FYCO1: variants seen among roughly 807,000 people sequenced by gnomAD.
FYCO1 encodes FYVE and coiled-coil domain autophagy adaptor 1, also known as FYVE and coiled-coil domain-containing protein 1.
In FYCO1, 122 loss-of-function variants were observed where a neutral mutation model predicts 165.1. That is an observed-to-expected ratio of 0.74 (90% CI 0.64 to 0.86). FYCO1 has a LOEUF of 0.86. Among genes scored for constraint, FYCO1 ranks in the 40% least tolerant of loss-of-function variants. The probability of loss-of-function intolerance (pLI) is 0.00; values close to 1 mark genes in which losing one functional copy is unlikely to be tolerated. For synonymous variants in FYCO1, 648 were observed against 742.5 expected, an observed-to-expected ratio of 0.87 and a Z score of 2.07; for missense variants, 1,702 against 1,810.3, an observed-to-expected ratio of 0.94 and a Z score of 1.09.
intron 14 of FYCO1, among the ~76,000 whole-genome samples, chr3:45,952,288 T>A (rs76663293): frequency 0.01 from 1,587 of 152,296 alleles, 25 homozygotes; most frequent in African/African-American, 0.035. Flanking sequence ...ACCTTGGATT[T>A]GCTTATTTTT....
chr3:45,993,925 G>T lies in FYCO1; in HGVS notation c.-113+1797C>A, dbSNP rs113650419. The stretch of plus-strand genomic sequence containing the variant: ...CTAAAGGGAAGCAGGGTGGGTGGGG[G>T]TGAGGGGGCTGCCATTTCTTGCGTA... On this transcript the variant is annotated intron_variant, in intron 1 of 17. Transcript: ENST00000296137. The surrounding 1 kb of genome is among the most constrained non-coding windows in gnomAD (Gnocchi z 4.4). Among the ~76,000 whole-genome samples the T allele has an allele frequency of 6.6e-6, 1 of 151,626 alleles. No homozygotes were observed. Among genetic ancestry groups the T allele is most frequent in the Admixed American group, 6.6e-5 (1 of 15,264 alleles).
In FYCO1 at chr3:45,965,067, A is replaced by T; in HGVS notation, c.3116T>A (p.Leu1039Gln). 1 of 1,614,154 alleles carries T rather than the reference A, an allele frequency of 6.2e-7. No homozygotes were observed. ...RGQLEEQGRQ[L>Q]QAAEEAVEKL... is the part of the protein sequence containing the mutation. Reference sequence around the variant, plus strand: ...CTCCACAGCTTCCTCAGCAGCCTGCAGCTGCCGGCCTTGCTCCTCAAGCTG... The same window carrying T: ...CTCCACAGCTTCCTCAGCAGCCTGCTGCTGCCGGCCTTGCTCCTCAAGCTG... The change falls in exon 9 of 18, where the codon CTG becomes CAG. Residue 1039 changes from leucine (L) to glutamine (Q), a missense_variant. Leu to Gln is a moderately radical substitution (Grantham distance 113, BLOSUM62 -2). Coordinates refer to ENST00000296137, the MANE Select transcript of FYCO1 (RefSeq NM_024513.4).
In FYCO1 at chr3:45,986,148, G is replaced by A. The variant is rs146657033; in HGVS notation, c.-112-1126C>T. Among the ~76,000 whole-genome samples the A allele has an allele frequency of 6.0e-4, 91 of 152,318 alleles. No homozygotes were observed. In the East Asian group the frequency reaches 0.015, roughly 26 times the overall value. ...GTTTTAGGCCACGGGCCAGTAAGGC[G>A]AGGAATCACAGAGACTGAACTCTGG... On this transcript the variant is annotated intron_variant, in intron 1 of 17. Transcript: ENST00000296137.
chr3:45,966,316 C>T lies in FYCO1; in HGVS notation c.3018G>A (p.Gln1006=), dbSNP rs1194128986. Residue 1006 remains glutamine, a synonymous_variant, in exon 8 of 18, where the codon CAG becomes CAA. Coordinates refer to ENST00000296137, the MANE Select transcript of FYCO1 (RefSeq NM_024513.4). Reference sequence around the variant, plus strand: ...GGTAGTCCATGATTTCAGCACTCAGCTGGAACTTGAGGGTGTTGAGCTCCT... The same window carrying T: ...GGTAGTCCATGATTTCAGCACTCAGTTGGAACTTGAGGGTGTTGAGCTCCT... ...AHQELNTLKF[Q]LSAEIMDYQS... The T allele has an allele frequency of 1.9e-6, 3 of 1,614,104 alleles. No homozygotes were observed. The African/African-American group carries it at 4.0e-5, about 22-fold the overall frequency.
At chr3:45,950,375 G>C (rs1704931149) in intron 14 of FYCO1, among the ~76,000 whole-genome samples, 2 of 152,134 alleles carry the variant, frequency 1.3e-5, no homozygotes, top group South Asian at 4.1e-4. Flanking sequence ...TCTGAGATGT[G>C]GGGAACACAA....
intron 14 of FYCO1, chr3:45,946,777 A>T: frequency 6.2e-7 from 1 of 1,613,366 alleles, no homozygotes; most frequent in Non-Finnish European, 8.5e-7. Context: ...GTGTTTGGCC[A>T]GGTCATGTGC....
rs555234434 is a variant in FYCO1 at position 45,978,950 on chromosome 3, G to A, written c.288+755C>T. On this transcript the variant is annotated intron_variant, in intron 4 of 17. Coordinates refer to ENST00000296137, the MANE Select transcript of FYCO1 (RefSeq NM_024513.4). ...CGGCTCACTGCAAGCTCCGCCTCCC[G>A]GGTTCACGCCATTCTCCTGCCTCAG... Among the ~76,000 whole-genome samples the A allele has an allele frequency of 7.3e-4, 108 of 147,624 alleles. 1 individual carries two copies. The highest frequency in any genetic ancestry group is 2.5e-3 in the African/African-American group (103 of 40,498).
intron 11 of FYCO1, among the ~76,000 whole-genome samples, chr3:45,960,639 G>C (rs909204828): frequency 6.6e-6 from 1 of 152,080 alleles, no homozygotes; most frequent in Non-Finnish European, 1.5e-5. Flanking sequence ...CTTTCAAATT[G>C]GTTATAATTT....
In FYCO1 at chr3:45,947,620, T is replaced by C. The variant is rs1704713902; in HGVS notation, c.3944+7629A>G. 4 of 816,698 alleles carry C rather than the reference T, an allele frequency of 4.9e-6. No homozygotes were observed. The South Asian group carries it at 6.9e-5, about 14-fold the overall frequency. 50.6% of individuals were successfully genotyped at this position (816,698 alleles called of 1,614,324 possible). On this transcript the variant is annotated intron_variant, in intron 14 of 17. Coordinates refer to ENST00000296137, the MANE Select transcript of FYCO1 (RefSeq NM_024513.4). Reference sequence around the variant, plus strand: ...TAGCTTGCGCATTCTCATGGAGAAGTTATCAGACACTCTGGCTGGTTTGGA... The same window carrying C: ...TAGCTTGCGCATTCTCATGGAGAAGCTATCAGACACTCTGGCTGGTTTGGA...
At chr3:45,958,729 C>G in intron 12 of FYCO1, 110 bp from the exon 13 acceptor site, 1 of 1,029,212 alleles carries the variant, frequency 9.7e-7, no homozygotes, top group South Asian at 1.3e-5. Flanking sequence ...TCAGACCTGG[C>G]TCTGCCCCCA....
At chr3:45,983,865 G>T (rs1183979818) in intron 2 of FYCO1, among the ~76,000 whole-genome samples, 1 of 152,218 alleles carries the variant, frequency 6.6e-6, no homozygotes, top group East Asian at 1.9e-4. Context: ...TTAGCTATCA[G>T]AGGCCCAAGG....
intron 2 of FYCO1, chr3:45,984,573 C>T: frequency 1.8e-6 from 1 of 557,966 alleles, no homozygotes; most frequent in Non-Finnish European, 3.2e-6. Context: ...TCAAAACACA[C>T]ATGTGTGCAC....
intron 2 of FYCO1, among the ~76,000 whole-genome samples, chr3:45,982,199 C>T (rs1026178142): frequency 1.6e-4 from 25 of 152,138 alleles, no homozygotes; most frequent in African/African-American, 6.0e-4. Flanking sequence ...TGGGCCTTTA[C>T]ATGTATTTTT....
chr3:45,933,984 T>TC (rs1703762531), intron 15 of FYCO1, among the ~76,000 whole-genome samples: 1 of 149,604 alleles, frequency 6.7e-6, no homozygotes. Context: ...ATAATTACAA[T>TC]AACCAAAATA....
In FYCO1 at chr3:45,918,709, G is replaced by A. The variant is rs1173713196; in HGVS notation, c.*3056C>T. 1.3e-5 allele frequency: 2 copies of A among 152,092 alleles called. No individual in the cohort carries two copies. The highest frequency in any genetic ancestry group is 2.9e-5 in the Non-Finnish European group (2 of 68,014). 9.4% of individuals were successfully genotyped at this position (152,092 alleles called of 1,614,324 possible). A position where few individuals can be genotyped will look rare whatever the true frequency, so the allele number is the denominator to read the frequency against. The stretch of plus-strand genomic sequence containing the variant: ...GGCCTGAAATAGTTTCACCACCTTC[G>A]ATGATAATTTTAAAATTTCCAAAAC... On this transcript the variant is annotated 3_prime_UTR_variant, in exon 18 of 18. Transcript: ENST00000296137.
intron 11 of FYCO1, among the ~76,000 whole-genome samples, chr3:45,960,588 C>T (rs1372008146): frequency 1.3e-5 from 2 of 152,178 alleles, no homozygotes; most frequent in African/African-American, 4.8e-5. Context: ...ACCCTGAGTT[C>T]TAACTCTGTA....
rs1462788522 is a variant in FYCO1, at chr3:45,956,744, A to T, written c.3800-1351T>A. On this transcript the variant is annotated intron_variant, in intron 13 of 17. Coordinates refer to ENST00000296137, the MANE Select transcript of FYCO1 (RefSeq NM_024513.4). ...TCTAAAATGATGTCCACTGAGAGAAACCAAAGACTTAAATAAATAGAAAGT... is the reference window on the plus strand; with the variant it reads ...TCTAAAATGATGTCCACTGAGAGAATCCAAAGACTTAAATAAATAGAAAGT... 3.9e-5 allele frequency among the ~76,000 whole-genome samples: 6 copies of T among 152,310 alleles called. 1 individual carries two copies. The East Asian group carries it at 1.2e-3, about 29-fold the overall frequency.
At chr3:45,984,116 T>C (rs1200138003) in intron 2 of FYCO1, among the ~76,000 whole-genome samples, 1 of 152,172 alleles carries the variant, frequency 6.6e-6, no homozygotes, top group Non-Finnish European at 1.5e-5. Flanking sequence ...TCAAGTGTCC[T>C]AGAGCTCCGA....
chr3:45,969,674 C>T lies in FYCO1; in HGVS notation c.630+1G>A. 2 of 1,613,210 alleles carry T rather than the reference C, an allele frequency of 1.2e-6. No homozygotes were observed. Among genetic ancestry groups the T allele is most frequent in the Non-Finnish European group, 1.7e-6 (2 of 1,179,200 alleles). On this transcript the variant is annotated splice_donor_variant, in intron 7 of 17. Transcript: ENST00000296137. LOFTEE classifies it high-confidence loss of function. ...ATAATTCCCAGCCTTCCTGGCCTTA[C>T]CTGCAGGTAGCTGCTCACCAAGCTG...
Sources: allele counts gnomAD v4.1 joint callset (sites outside exome capture counted in the v4.1 genomes callset), GRCh38; gene constraint gnomAD v4.1.1; non-coding constraint Gnocchi (gnomAD v3.1); transcripts MANE v1.5; gene names NCBI Gene and HGNC (gene_info 2026-07-23, HGNC 2026-07-21).